RNF111: variants seen among roughly 807,000 people sequenced by gnomAD.
The protein encoded by RNF111 is E3 ubiquitin-protein ligase Arkadia.
In RNF111, 17 loss-of-function variants were observed where a neutral mutation model predicts 95.1. That is an observed-to-expected ratio of 0.18 (90% CI 0.12 to 0.27). The LOEUF is 0.27. Ranked by LOEUF, RNF111 falls within the 10% of genes least tolerant of loss-of-function variation. The pLI is 1.00. For missense variants in RNF111, 1,189 were observed against 1,210.4 expected, an observed-to-expected ratio of 0.98 and a Z score of 0.26; for synonymous variants, 440 against 414.8, an observed-to-expected ratio of 1.06 and a Z score of -0.74.
chr15:59,076,798 A>G lies in RNF111; in HGVS notation c.1948+583A>G, dbSNP rs116399225. 3.5e-3 allele frequency among the ~76,000 whole-genome samples: 539 copies of G among 152,368 alleles called. 3 individuals are homozygous for G. Among genetic ancestry groups the G allele is most frequent in the African/African-American group, 0.012 (512 of 41,586 alleles). On this transcript the variant is annotated intron_variant, in intron 7 of 13. Transcript: ENST00000348370. ...TCTAAGGCTATGTAACATATTTACT[A>G]TTTTGTTAGATCATAAGCTAATAAT...
intron 1 of RNF111, among the ~76,000 whole-genome samples, chr15:59,015,427 A>G (rs1177866945): frequency 1.3e-5 from 2 of 152,122 alleles, no homozygotes; most frequent in East Asian, 3.8e-4. Flanking sequence ...GTTAGTCACA[A>G]TTGGCATGTT....
chr15:59,020,644 C>T (rs1257305357), intron 1 of RNF111, among the ~76,000 whole-genome samples: 4 of 152,180 alleles, frequency 2.6e-5, no homozygotes, highest in African/African-American at 9.7e-5. Context: ...TTTAACAAGA[C>T]AGATGAGAAA....
chr15:59,033,967 A>T lies in RNF111; in HGVS notation c.880+2265A>T, dbSNP rs550657365. ...AAAAAATAATGATTTAATAACATTC[A>T]CACGATATGGAATTTTAAAAGTATC... On this transcript the variant is annotated intron_variant, in intron 2 of 13. Transcript: ENST00000348370. Among the ~76,000 whole-genome samples, 38 of 152,362 alleles carry T rather than the reference A, an allele frequency of 2.5e-4. No homozygotes were observed. The South Asian group carries it at 5.0e-3, about 20-fold the overall frequency.
chr15:59,010,995 G>T (rs577018291), intron 1 of RNF111, among the ~76,000 whole-genome samples: 1 of 152,048 alleles, frequency 6.6e-6, no homozygotes, highest in Non-Finnish European at 1.5e-5. Context: ...TCTCCCTAAC[G>T]GTCATCGTTC....
At chr15:59,060,320 A>AG (rs1835271849) in intron 5 of RNF111, among the ~76,000 whole-genome samples, 1 of 151,972 alleles carries the variant, frequency 6.6e-6, no homozygotes, top group Non-Finnish European at 1.5e-5. Flanking sequence ...AAAAAAAAAA[A>AG]TCCTTGACAT....
chr15:58,995,108 G>A (rs2039000158), intron 1 of RNF111, among the ~76,000 whole-genome samples: 1 of 152,180 alleles, frequency 6.6e-6, no homozygotes, highest in South Asian at 2.1e-4. Flanking sequence ...ATAACTTTGA[G>A]ATAGTGCAGC....
chr15:58,998,077 G>A (rs1196242064), intron 1 of RNF111, among the ~76,000 whole-genome samples: 1 of 151,358 alleles, frequency 6.6e-6, no homozygotes. Flanking sequence ...GCTAATTTTT[G>A]TATTTTTAGT....
At chr15:59,008,945 C>T (rs2039665789) in intron 1 of RNF111, among the ~76,000 whole-genome samples, 1 of 151,706 alleles carries the variant, frequency 6.6e-6, no homozygotes, top group African/African-American at 2.4e-5. Flanking sequence ...TTAATATTGT[C>T]ACGTATTTTA....
intron 10 of RNF111, among the ~76,000 whole-genome samples, chr15:59,089,343 G>T (rs916611370): frequency 1.3e-5 from 2 of 152,166 alleles, no homozygotes; most frequent in African/African-American, 4.8e-5. Flanking sequence ...GTCGAATTTT[G>T]TTGGAAAATT....
Position 58,999,361 on chromosome 15 carries a change from G to A in RNF111, c.-20+11293G>A, listed in dbSNP as rs151152591. 9.9e-5 allele frequency among the ~76,000 whole-genome samples: 15 copies of A among 152,134 alleles called. No individual in the cohort carries two copies. The East Asian group carries it at 1.9e-3, about 20-fold the overall frequency. On this transcript the variant is annotated intron_variant, in intron 1 of 13. Transcript: ENST00000348370. The stretch of plus-strand genomic sequence containing the variant: ...AGTGGGGTTTGTTTGTTTTTGAGAC[G>A]GAGTCACACTGTCACCCAGGCTGGA...
chr15:59,023,062 C>T (rs1300770200), intron 1 of RNF111, among the ~76,000 whole-genome samples: 2 of 152,138 alleles, frequency 1.3e-5, no homozygotes, highest in South Asian at 2.1e-4. Flanking sequence ...GCCTGGCCAA[C>T]GTGGTGAAAC....
At chr15:59,003,737 A>T (rs530171640) in intron 1 of RNF111, among the ~76,000 whole-genome samples, 1 of 152,198 alleles carries the variant, frequency 6.6e-6, no homozygotes, top group African/African-American at 2.4e-5. Flanking sequence ...CTCTAAAATT[A>T]TCTTGGTTTT....
chr15:59,071,848 GA>G (rs1482804186), intron 6 of RNF111, among the ~76,000 whole-genome samples: 1 of 152,070 alleles, frequency 6.6e-6, no homozygotes, highest in East Asian at 1.9e-4. Flanking sequence ...TTTGGTTCCA[GA>G]CAACCACAAT....
At chr15:59,074,970 G>GC (rs755848375) in intron 6 of RNF111, among the ~76,000 whole-genome samples, 2 of 152,206 alleles carry the variant, frequency 1.3e-5, no homozygotes, top group Admixed American at 6.5e-5. Flanking sequence ...AGAGAGGAGA[G>GC]CAGGGTAATG....
At chr15:59,044,821 C>T (rs2041631727) in intron 2 of RNF111, among the ~76,000 whole-genome samples, 1 of 152,062 alleles carries the variant, frequency 6.6e-6, no homozygotes, top group South Asian at 2.1e-4. Flanking sequence ...AAATGTTTCC[C>T]TTTTAAAATT....
intron 1 of RNF111, among the ~76,000 whole-genome samples, chr15:59,013,979 A>G (rs1466021955): frequency 2.0e-5 from 3 of 151,970 alleles, no homozygotes; most frequent in African/African-American, 7.3e-5. Flanking sequence ...TAGTGGAGAC[A>G]AAGGTTTCAC....
At chr15:59,044,661 C>T (rs2041624648) in intron 2 of RNF111, among the ~76,000 whole-genome samples, 1 of 151,892 alleles carries the variant, frequency 6.6e-6, no homozygotes, top group African/African-American at 2.4e-5. Flanking sequence ...ACAGTCCTAC[C>T]ACTGTCTTAG....
At chr15:59,014,811 A>G (rs1324662908) in intron 1 of RNF111, among the ~76,000 whole-genome samples, 1 of 150,516 alleles carries the variant, frequency 6.6e-6, no homozygotes, top group East Asian at 1.9e-4. Context: ...CCTGGAGTGC[A>G]GTGGCACCAT....
intron 8 of RNF111, among the ~76,000 whole-genome samples, chr15:59,082,270 T>TA (rs1229270644): frequency 6.6e-6 from 1 of 151,984 alleles, no homozygotes. Context: ...GCAAACCAAT[T>TA]AAAAAAAAGT....
Sources: gnomAD v4.1 joint callset for allele counts (sites outside exome capture counted in the v4.1 genomes callset) on GRCh38, gnomAD v4.1.1 for gene constraint, MANE v1.5 for transcripts, NCBI Gene and HGNC (gene_info 2026-07-23, HGNC 2026-07-21) for gene names.